Variants in COL5A3 observed in about 807,000 individuals in gnomAD.
The protein encoded by COL5A3 is collagen type V alpha 3 chain.
COL5A3 carries 172 observed loss-of-function variants against 250.0 expected under a neutral mutation model. The ratio of observed to expected loss-of-function variants is 0.69; its 90% CI spans 0.61 to 0.78. The LOEUF (loss-of-function observed/expected upper bound fraction) is 0.78. COL5A3 is among the 30% of genes least tolerant of loss of function. The pLI is 0.00. For missense variants in COL5A3, 2,340 were observed against 2,334.4 expected, an observed-to-expected ratio of 1.00 and a Z score of -0.05; for synonymous variants, 937 against 900.4, an observed-to-expected ratio of 1.04 and a Z score of -0.73.
chr19:10,010,179 G>C (rs902720159), intron 1 of COL5A3, 119 bp downstream of exon 1: 2 of 697,558 alleles, frequency 2.9e-6, no homozygotes, highest in African/African-American at 3.8e-5. Flanking sequence ...TCACACCGGG[G>C]CCGCACGCGG....
Position 9,979,359 on chromosome 19 carries a change from C to G in COL5A3, c.2766+5G>C. Reference sequence around the variant, plus strand: ...ACAAGGGAGGTTTATGGAGTCCACTCTGACCTGAGGGCCTAAGACACCAGC... The same window carrying G: ...ACAAGGGAGGTTTATGGAGTCCACTGTGACCTGAGGGCCTAAGACACCAGC... On this transcript the variant is annotated splice_donor_5th_base_variant and intron_variant, in intron 38 of 66. Transcript: ENST00000264828. The G allele has an allele frequency of 1.2e-6, 2 of 1,614,138 alleles. No homozygotes were observed. Among genetic ancestry groups the G allele is most frequent in the African/African-American group, 1.3e-5 (1 of 75,020 alleles).
chr19:9,982,755 A>G (rs1356696048), intron 31 of COL5A3, among the ~76,000 whole-genome samples: 1 of 152,134 alleles, frequency 6.6e-6, no homozygotes, highest in Admixed American at 6.5e-5. Flanking sequence ...CAGTTGCCCA[A>G]GTTACACAGT....
In COL5A3 at chr19:10,005,416, GA is replaced by G. The variant is rs1568433459; in HGVS notation, c.594+141del. On this transcript the variant is annotated intron_variant, in intron 4 of 66. Coordinates refer to ENST00000264828, the MANE Select transcript of COL5A3 (RefSeq NM_015719.4). ...ACAATCACAGGCTGCAACGGTGCAC[GA>G]AAGCATGAACTCGCTTCCCTTAGCT... 35 of 799,638 alleles carry G rather than the reference GA, an allele frequency of 4.4e-5. No homozygotes were observed. In the African/African-American group the frequency reaches 5.4e-4, roughly 12 times the overall value. 49.5% of individuals were successfully genotyped at this position (799,638 alleles called of 1,614,324 possible).
rs1425736664 is a variant in COL5A3 at position 9,972,942 on chromosome 19, C to G, written c.3751G>C (p.Glu1251Gln). ...GPPGKKGPPG[E>Q]DGAKGSVGPT... is the part of the protein sequence containing the mutation. ...ACCACGCTCCCTTTGGCTCCATCCT[C>G]TCCAGGGGGACCTTTCTTGCCTGGG... is the stretch of plus-strand genomic sequence containing the variant. The change falls in exon 51 of 67, where the codon GAG becomes CAG. Residue 1251 changes from glutamate to glutamine, a missense_variant. Physicochemically the swap from Glu to Gln is conservative, Grantham distance 29. Transcript: ENST00000264828. 3.7e-6 allele frequency: 6 copies of G among 1,610,834 alleles called. No individual in the cohort carries two copies. The highest frequency in any genetic ancestry group is 5.1e-6 in the Non-Finnish European group (6 of 1,178,676).
intron 49 of COL5A3, 50 bp from the exon 50 acceptor site, chr19:9,973,673 G>A (rs867431668): frequency 6.2e-7 from 1 of 1,611,358 alleles, no homozygotes; most frequent in Non-Finnish European, 8.5e-7. Context: ...TAGCAGACAG[G>A]GAGGGGCTCC....
At chr19:9,988,833 C>CAAAAAAAAAAAAAAAAAA (rs67181648) in intron 27 of COL5A3, among the ~76,000 whole-genome samples, 3 of 39,420 alleles carry the variant, frequency 7.6e-5, no homozygotes, top group Non-Finnish European at 1.3e-4. Context: ...GACTCTGTCT[C>CAAAAAAAAAAAAAAAAAA]AAAAAAAAAA....
intron 16 of COL5A3, among the ~76,000 whole-genome samples, 187 bp from the exon 17 acceptor site, chr19:9,993,993 C>T (rs1288152540): frequency 6.6e-6 from 1 of 151,856 alleles, no homozygotes; most frequent in Non-Finnish European, 1.5e-5. Context: ...GTAGCTGGGA[C>T]CACAGGTGCA....
chr19:10,004,692 A>G (rs923392703), intron 4 of COL5A3, among the ~76,000 whole-genome samples: 1 of 152,116 alleles, frequency 6.6e-6, no homozygotes, highest in Non-Finnish European at 1.5e-5. Flanking sequence ...TACTGGGGAT[A>G]AGGAGGAACA....
chr19:9,986,184 C>T, intron 30 of COL5A3, 131 bp downstream of exon 30: 2 of 667,638 alleles, frequency 3.0e-6, no homozygotes, highest in East Asian at 5.4e-5. Context: ...TAATGCTGAG[C>T]TGAGGAATTA....
intron 35 of COL5A3, 59 bp from the exon 36 acceptor site, chr19:9,980,106 G>A: frequency 6.8e-7 from 1 of 1,479,076 alleles, no homozygotes; most frequent in Non-Finnish European, 9.1e-7. Context: ...CACTCCCTGA[G>A]CCCCACATAA....
chr19:9,989,281 G>A lies in COL5A3; in HGVS notation c.2091+41C>T, dbSNP rs776210604. The stretch of plus-strand genomic sequence containing the variant: ...CCCCTGACTGCAGGCCCTGCCTCCC[G>A]ACCCTCGTCCCCAACCCAGCCTAAC... On this transcript the variant is annotated intron_variant, in intron 26 of 66. Coordinates refer to ENST00000264828, the MANE Select transcript of COL5A3 (RefSeq NM_015719.4). 147 of 1,613,146 alleles carry A rather than the reference G, an allele frequency of 9.1e-5. No homozygotes were observed. In the East Asian group the frequency reaches 1.0e-3, roughly 11 times the overall value.
At chr19:10,008,405 A>G (rs892340494) in intron 1 of COL5A3, among the ~76,000 whole-genome samples, 12 of 148,720 alleles carry the variant, frequency 8.1e-5, no homozygotes, top group Non-Finnish European at 1.3e-4. Context: ...ACAAAAAGGC[A>G]CACAAGCTGC....
At chr19:9,996,539 G>C (rs2087275791) in intron 12 of COL5A3, 23 bp from the exon 13 acceptor site, 1 of 1,613,850 alleles carries the variant, frequency 6.2e-7, no homozygotes, top group East Asian at 2.2e-5. Flanking sequence ...TAGTGGTGAG[G>C]GAAGCCCCCA....
intron 64 of COL5A3, 70 bp from the exon 65 acceptor site, chr19:9,962,957 C>A: frequency 8.7e-7 from 1 of 1,148,086 alleles, no homozygotes; most frequent in Middle Eastern, 1.9e-4. Context: ...CTGCATTTCC[C>A]TCCTCACACA....
intron 33 of COL5A3, 42 bp from the exon 34 acceptor site, chr19:9,980,901 G>A (rs2145095086): frequency 1.3e-6 from 2 of 1,580,500 alleles, no homozygotes; most frequent in Non-Finnish European, 8.6e-7. Flanking sequence ...TGAGGGGGTG[G>A]GGGAGCCTGG....
chr19:10,004,233 C>A, intron 4 of COL5A3, 88 bp from the exon 5 acceptor site: 1 of 884,588 alleles, frequency 1.1e-6, no homozygotes, highest in Non-Finnish European at 1.8e-6. Context: ...GTCCTGCCCA[C>A]CTCCTGGCAC....
Position 9,966,314 on chromosome 19 carries a change from G to A in COL5A3, c.4782C>T (p.Ile1594=), listed in dbSNP as rs3745581. Residue 1594 remains isoleucine, a splice_region_variant and synonymous_variant, in exon 64 of 67, where the codon ATC becomes ATT. Transcript: ENST00000264828. ...TCLYPDKKFE[I]VKLASWSKEK... ...GCGATGAGAGGTTTGGGTTACTCAC[G>A]ATCTCAAACTTCTTGTCGGGATAGA... 1 of 1,604,538 alleles carries A rather than the reference G, an allele frequency of 6.2e-7. No individual in the cohort carries two copies. The highest frequency in any genetic ancestry group is 8.5e-7 in the Non-Finnish European group (1 of 1,174,376).
intron 27 of COL5A3, among the ~76,000 whole-genome samples, chr19:9,986,998 C>T (rs944228621): frequency 2.2e-4 from 34 of 152,164 alleles, no homozygotes; most frequent in African/African-American, 8.0e-4. Context: ...AAGCGATTCC[C>T]ATCTCCTGGA....
rs774250010 is a variant in COL5A3, at chr19:9,970,631, G to A, written c.3927C>T (p.Pro1309=). ...ASGEPGAPGP[P]GKRGPSGHMG... is the part of the protein sequence containing the mutation. ...GTGGCTTATCACTTACCCTCTTGCC[G>A]GGGGGCCCGGGGGCGCCGGGCTCCC... The change falls in exon 54 of 67, where the codon CCC becomes CCT. Residue 1309 remains proline, a synonymous_variant. Coordinates refer to ENST00000264828, the MANE Select transcript of COL5A3 (RefSeq NM_015719.4). 19 of 1,444,166 alleles carry A rather than the reference G, an allele frequency of 1.3e-5. No homozygotes were observed. Among genetic ancestry groups the A allele is most frequent in the Admixed American group, 5.7e-5 (2 of 35,364 alleles). The allele number at this position is 1,444,166 out of a possible 1,614,324, so 89.5% of individuals were successfully genotyped here.
Sources: allele counts gnomAD v4.1 joint callset (sites outside exome capture counted in the v4.1 genomes callset), GRCh38; gene constraint gnomAD v4.1.1; transcripts MANE v1.5; gene names NCBI Gene and HGNC (gene_info 2026-07-23, HGNC 2026-07-21).